The following PDE4D variants were observed in gnomAD, a reference collection of about 807,000 sequenced individuals.
The protein encoded by PDE4D is phosphodiesterase 4D, also known as 3',5'-cyclic-AMP phosphodiesterase 4D.
Under a neutral mutation model 87.4 loss-of-function variants are expected in PDE4D, and 24 were observed. That is an observed-to-expected ratio of 0.27 (90% confidence interval 0.20 to 0.39). PDE4D has a LOEUF of 0.39. Ranked by LOEUF, PDE4D falls within the 10% of genes least tolerant of loss-of-function variation. The probability of loss-of-function intolerance (pLI) is 1.00; values close to 1 mark genes in which losing one functional copy is unlikely to be tolerated. For synonymous variants in PDE4D, 384 were observed against 383.2 expected (o/e 1.00, Z -0.02); for missense variants, 714 against 1,041.0 (o/e 0.69, Z 4.32).
chr5:60,208,119 G>A (rs1008683740), intron 1 of PDE4D, among the ~76,000 whole-genome samples: 42 of 152,138 alleles, frequency 2.8e-4, no homozygotes, highest in African/African-American at 1.0e-3. Context: ...TTCTACAGAG[G>A]GAGGACAGAT....
chr5:59,789,532 G>T (rs1765548812), intron 1 of PDE4D, among the ~76,000 whole-genome samples: 2 of 152,222 alleles, frequency 1.3e-5, no homozygotes, highest in Non-Finnish European at 2.9e-5. Flanking sequence ...TACTTGGAAT[G>T]ATTGTAATTT....
chr5:60,269,031 C>T (rs377549720), intron 1 of PDE4D, among the ~76,000 whole-genome samples: 37 of 152,286 alleles, frequency 2.4e-4, no homozygotes, highest in African/African-American at 5.8e-4. Context: ...TGGCCGGGCG[C>T]GGTGGCTCAC....
chr5:59,658,347 C>A (rs1744707658), intron 1 of PDE4D, among the ~76,000 whole-genome samples: 1 of 151,960 alleles, frequency 6.6e-6, no homozygotes, highest in Non-Finnish European at 1.5e-5. Context: ...TCTGGAAACT[C>A]TATTCCATCT....
intron 2 of PDE4D, among the ~76,000 whole-genome samples, chr5:60,037,570 A>C (rs1767950689): frequency 1.3e-5 from 2 of 152,230 alleles, no homozygotes. Context: ...CTAAGTCATA[A>C]AAATTCAAAG....
chr5:59,870,786 G>GTGCTTTCT (rs1747714935), intron 1 of PDE4D, among the ~76,000 whole-genome samples: 1 of 152,164 alleles, frequency 6.6e-6, no homozygotes, highest in Admixed American at 6.5e-5. Context: ...GCCAAATTTA[G>GTGCTTTCT]TGCTTTCTTG....
intron 3 of PDE4D, among the ~76,000 whole-genome samples, chr5:59,928,476 G>A (rs1288605387): frequency 6.6e-6 from 1 of 152,132 alleles, no homozygotes; most frequent in African/African-American, 2.4e-5. Flanking sequence ...TAGTCGGGGG[G>A]CTGAGACAGG....
At chr5:60,232,058 C>A (rs1453344886) in intron 1 of PDE4D, among the ~76,000 whole-genome samples, 3 of 151,874 alleles carry the variant, frequency 2.0e-5, no homozygotes, top group African/African-American at 7.2e-5. Flanking sequence ...CAGATAAGAT[C>A]TACAACCAAC....
At chr5:59,734,142 C>G (rs1757758893) in intron 1 of PDE4D, among the ~76,000 whole-genome samples, 1 of 152,072 alleles carries the variant, frequency 6.6e-6, no homozygotes, top group Admixed American at 6.6e-5. Context: ...AACACACATA[C>G]ACAGGTTTGT....
chr5:59,788,068 A>T (rs1765362731), intron 1 of PDE4D, among the ~76,000 whole-genome samples: 1 of 152,210 alleles, frequency 6.6e-6, no homozygotes, highest in Admixed American at 6.5e-5. Flanking sequence ...CTATGTATAA[A>T]ACCCAACATT....
In PDE4D at chr5:59,825,470, GA is replaced by G. The variant is rs1561722870; in HGVS notation, c.455+67697del. Among the ~76,000 whole-genome samples, 3 of 152,246 alleles carry G rather than the reference GA, an allele frequency of 2.0e-5. No individual in the cohort carries two copies. In the South Asian group the frequency reaches 6.2e-4, roughly 32 times the overall value. On this transcript the variant is annotated intron_variant, in intron 1 of 14. Transcript: ENST00000340635. ...CATAGAGACCTGGGCATCTAAACCA[GA>G]ACAGTTTTGAAAGACTAGTTGGAAA...
chr5:60,473,818 AC>A (rs1283321579), intron 1 of PDE4D, among the ~76,000 whole-genome samples: 2 of 151,140 alleles, frequency 1.3e-5, no homozygotes, highest in Non-Finnish European at 2.9e-5. Context: ...TATGCACTCT[AC>A]ACCCTCCCCA....
chr5:60,073,610 A>G, intron 2 of PDE4D, among the ~76,000 whole-genome samples: 1 of 150,720 alleles, frequency 6.6e-6, no homozygotes, highest in Admixed American at 6.6e-5. Context: ...TCTTCTTTGT[A>G]TATCTACTAG....
chr5:59,864,126 T>C (rs1180168015), intron 1 of PDE4D, among the ~76,000 whole-genome samples: 3 of 152,168 alleles, frequency 2.0e-5, no homozygotes, highest in African/African-American at 7.2e-5. Flanking sequence ...GTTCAAGCAG[T>C]GCAGTCATGG....
chr5:60,304,702 G>T (rs1754313399), intron 1 of PDE4D, among the ~76,000 whole-genome samples: 1 of 149,140 alleles, frequency 6.7e-6, no homozygotes, highest in Admixed American at 6.7e-5. Context: ...GGTGAACAGA[G>T]CACAGAGGAG....
At chr5:59,002,193 C>A in intron 6 of PDE4D, 1 of 351,966 alleles carries the variant, frequency 2.8e-6, no homozygotes, top group South Asian at 2.2e-5. Flanking sequence ...AAATGATTTT[C>A]CCAGGTTCAC....
intron 1 of PDE4D, among the ~76,000 whole-genome samples, chr5:60,508,539 G>A (rs1190305684): frequency 6.6e-6 from 1 of 152,210 alleles, no homozygotes; most frequent in Non-Finnish European, 1.5e-5. Context: ...TCTACAAAAT[G>A]TCTAAACATG....
intron 1 of PDE4D, among the ~76,000 whole-genome samples, chr5:59,656,851 T>C (rs915496112): frequency 6.6e-6 from 1 of 152,214 alleles, no homozygotes; most frequent in African/African-American, 2.4e-5. Context: ...ATAATTATTA[T>C]TCATAACAGT....
Position 59,541,052 on chromosome 5 carries a change from G to T in PDE4D, c.456-325084C>A, listed in dbSNP as rs1018989409. Among the ~76,000 whole-genome samples, 4 of 152,136 alleles carry T rather than the reference G, an allele frequency of 2.6e-5. No homozygotes were observed. In the East Asian group the frequency reaches 5.8e-4, roughly 22 times the overall value. On this transcript the variant is annotated intron_variant, in intron 1 of 14. Transcript: ENST00000340635. ...GGATCTCAGAATTTAAAGAAACGAC[G>T]CCCTTAATAATGGCATCTGAAGAAG...
chr5:60,495,877 G>A (rs1279792514), intron 1 of PDE4D, among the ~76,000 whole-genome samples: 1 of 152,170 alleles, frequency 6.6e-6, no homozygotes, highest in East Asian at 1.9e-4. Flanking sequence ...AATTCCCAAT[G>A]TAAAAACACT....
Sources: allele counts gnomAD v4.1 joint callset (sites outside exome capture counted in the v4.1 genomes callset), GRCh38; gene constraint gnomAD v4.1.1; transcripts MANE v1.5; gene names NCBI Gene and HGNC (gene_info 2026-07-23, HGNC 2026-07-21).